The following ZNF488 variants were observed in gnomAD, a reference collection of about 807,000 sequenced individuals.
The protein encoded by ZNF488 is zinc finger protein 488.
Under a neutral mutation model 1.2 loss-of-function variants are expected in ZNF488, and 1 was observed. That is an observed-to-expected ratio of 0.86 (90% CI 0.30 to 4.07). The LOEUF is 4.07. ZNF488 is among the 30% of genes most tolerant of loss of function. The pLI, the probability that ZNF488 is intolerant of heterozygous loss-of-function variation, is 0.18. For missense variants in ZNF488, 450 were observed against 437.9 expected (o/e 1.03, Z -0.25); for synonymous variants, 185 against 190.1 (o/e 0.97, Z 0.22).
chr10:47,377,212 A>G (rs1837711431), intron 1 of ZNF488, among the ~76,000 whole-genome samples: 1 of 152,224 alleles, frequency 6.6e-6, no homozygotes, highest in Non-Finnish European at 1.5e-5. Flanking sequence ...CGACAAGAGC[A>G]GTCAGATGGC....
chr10:47,368,911 G>A lies in ZNF488; in HGVS notation c.-82C>T. 2 of 1,489,424 alleles carry A rather than the reference G, an allele frequency of 1.3e-6. No homozygotes were observed. Among genetic ancestry groups the A allele is most frequent in the Non-Finnish European group, 1.8e-6 (2 of 1,112,976 alleles). 92.3% of individuals were successfully genotyped at this position (1,489,424 alleles called of 1,614,324 possible). On this transcript the variant is annotated 5_prime_UTR_variant, in exon 2 of 2. Coordinates refer to ENST00000585316, the MANE Select transcript of ZNF488 (RefSeq NM_153034.4). ...AGATATGGAAGCTCCCCATGACACT[G>A]GGCTGGACACACTCGGCCACAGGGC...
At chr10:47,377,699 AC>A (rs1837740680) in intron 1 of ZNF488, among the ~76,000 whole-genome samples, 2 of 150,760 alleles carry the variant, frequency 1.3e-5, no homozygotes, top group African/African-American at 4.9e-5. Context: ...ACACACACAC[AC>A]ACACACACAC....
chr10:47,381,395 C>A (rs76974607), intron 1 of ZNF488, among the ~76,000 whole-genome samples: 1 of 133,628 alleles, frequency 7.5e-6, no homozygotes, highest in Admixed American at 7.4e-5. Flanking sequence ...CAATCATCTA[C>A]GGGCCTTTTC....
At chr10:47,371,304 A>G (rs1410128604) in intron 1 of ZNF488, among the ~76,000 whole-genome samples, 8 of 152,350 alleles carry the variant, frequency 5.3e-5, no homozygotes. Flanking sequence ...TATGGGAAAA[A>G]AAAGCTTATA....
chr10:47,374,217 A>T (rs1837590114), intron 1 of ZNF488, among the ~76,000 whole-genome samples: 1 of 152,214 alleles, frequency 6.6e-6, no homozygotes. Context: ...TGACATCTTT[A>T]TGTGGCATTA....
At chr10:47,371,110 G>T (rs1555213813) in intron 1 of ZNF488, among the ~76,000 whole-genome samples, 1 of 152,208 alleles carries the variant, frequency 6.6e-6, no homozygotes, top group Non-Finnish European at 1.5e-5. Context: ...TTCACAAGAA[G>T]CTTGCATGGG....
chr10:47,369,122 C>A (rs1837366108), intron 1 of ZNF488, among the ~76,000 whole-genome samples, 185 bp from the exon 2 acceptor site: 1 of 152,246 alleles, frequency 6.6e-6, no homozygotes, highest in Admixed American at 6.5e-5. Flanking sequence ...CCAGGGCCCA[C>A]CTCCCTGAGG....
intron 1 of ZNF488, among the ~76,000 whole-genome samples, chr10:47,378,420 G>A (rs1555214698): frequency 1.3e-5 from 2 of 152,236 alleles, no homozygotes; most frequent in African/African-American, 4.8e-5. Context: ...CCCTCCACTG[G>A]TGAGAGGTAC....
At chr10:47,373,611 T>C (rs1555214101) in intron 1 of ZNF488, among the ~76,000 whole-genome samples, 2 of 152,156 alleles carry the variant, frequency 1.3e-5, no homozygotes, top group African/African-American at 4.8e-5. Flanking sequence ...GGAACGTTCA[T>C]TTATTTCTTT....
At chr10:47,380,078 C>G (rs1555215017) in intron 1 of ZNF488, among the ~76,000 whole-genome samples, 1 of 149,896 alleles carries the variant, frequency 6.7e-6, no homozygotes. Flanking sequence ...TCTCCTTGCT[C>G]CGAACATGAT....
chr10:47,383,738 C>A (rs749240304), intron 1 of ZNF488, among the ~76,000 whole-genome samples: 2 of 152,200 alleles, frequency 1.3e-5, no homozygotes, highest in Non-Finnish European at 2.9e-5. Context: ...TCTTACCCTA[C>A]TGCCCAGCGC....
At chr10:47,377,718 C>CACAT (rs1837743346) in intron 1 of ZNF488, among the ~76,000 whole-genome samples, 2 of 145,402 alleles carry the variant, frequency 1.4e-5, no homozygotes, top group African/African-American at 5.1e-5. Flanking sequence ...CACACACACA[C>CACAT]GGCTGCCACC....
chr10:47,382,764 G>A (rs1280152512), intron 1 of ZNF488, among the ~76,000 whole-genome samples: 1 of 152,150 alleles, frequency 6.6e-6, no homozygotes, highest in Admixed American at 6.5e-5. Flanking sequence ...TTAATTCTGT[G>A]TGATTTATCT....
chr10:47,369,576 C>T (rs560605672), intron 1 of ZNF488, among the ~76,000 whole-genome samples: 13 of 152,314 alleles, frequency 8.5e-5, no homozygotes, highest in Non-Finnish European at 1.5e-4. Flanking sequence ...AGCCTGGTGG[C>T]CCCTTTGTCC....
chr10:47,368,657 G>C lies in ZNF488; in HGVS notation c.173C>G (p.Pro58Arg). The C allele has an allele frequency of 2.5e-6, 4 of 1,611,782 alleles. No individual in the cohort carries two copies. Among genetic ancestry groups the C allele is most frequent in the Non-Finnish European group, 3.4e-6 (4 of 1,179,982 alleles). ...GCCCGCCCTGCCCACAGCAGCCTCA[G>C]GGCCCAGGCGGTTCGTCTTCTCGAG... ...VLLEKTNRLG[P>R]EAAVGRAGRD... The change falls in exon 2 of 2, where the codon CCT (proline) becomes CGT (arginine). Residue 58 changes from proline (P) to arginine (R), a missense_variant. Coordinates refer to ENST00000585316, the MANE Select transcript of ZNF488 (RefSeq NM_153034.4).
intron 1 of ZNF488, among the ~76,000 whole-genome samples, chr10:47,382,571 A>G (rs1555215642): frequency 6.6e-6 from 1 of 152,122 alleles, no homozygotes; most frequent in Non-Finnish European, 1.5e-5. Flanking sequence ...CCCTCCCCCC[A>G]GAATCCGCAT....
chr10:47,383,800 T>C (rs1426822890), intron 1 of ZNF488, among the ~76,000 whole-genome samples: 1 of 151,100 alleles, frequency 6.6e-6, no homozygotes, highest in Non-Finnish European at 1.5e-5. Context: ...GGAGAGACAG[T>C]GGGAGGGAGG....
rs1366210457 is a variant in ZNF488, at chr10:47,366,292, TTG to T, written c.*1513_*1514del. 1 of 167,126 alleles carries T rather than the reference TTG, an allele frequency of 6.0e-6. No homozygotes were observed. The highest frequency in any genetic ancestry group is 1.5e-5 in the Non-Finnish European group (1 of 68,196). 10.4% of individuals were successfully genotyped at this position (167,126 alleles called of 1,614,324 possible). A position where few individuals can be genotyped will look rare whatever the true frequency, so the allele number is the denominator to read the frequency against. ...GTTACACTTTCAGAAGATTATCTGG[TTG>T]TGTGTGTGTGGACAATGGATGCGTG... On this transcript the variant is annotated 3_prime_UTR_variant, in exon 2 of 2. Transcript: ENST00000585316.
Position 47,367,019 on chromosome 10 carries a change from G to C in ZNF488, c.*788C>G, listed in dbSNP as rs1837244499. The C allele has an allele frequency of 6.0e-6, 1 of 167,010 alleles. No individual in the cohort carries two copies. The highest frequency in any genetic ancestry group is 6.5e-5 in the Admixed American group (1 of 15,278). 10.3% of individuals were successfully genotyped at this position (167,010 alleles called of 1,614,324 possible). ...TGGGCCTGGTCCTGCCACTTGTATG[G>C]GCTGAGAGGACATTGGCAATGTGAC... On this transcript the variant is annotated 3_prime_UTR_variant, in exon 2 of 2. Coordinates refer to ENST00000585316, the MANE Select transcript of ZNF488 (RefSeq NM_153034.4).
Sources: gnomAD v4.1 joint callset for allele counts (sites outside exome capture counted in the v4.1 genomes callset) on GRCh38, gnomAD v4.1.1 for gene constraint, MANE v1.5 for transcripts, NCBI Gene and HGNC (gene_info 2026-07-23, HGNC 2026-07-21) for gene names.